Variants in MAGI2 observed in about 807,000 individuals in gnomAD.
MAGI2 encodes the protein membrane-associated guanylate kinase, WW and PDZ domain-containing protein 2.
In MAGI2, 35 loss-of-function variants were observed where a neutral mutation model predicts 133.3. The ratio of observed to expected loss-of-function variants is 0.26; its 90% CI spans 0.20 to 0.35. MAGI2 has a LOEUF of 0.35. Among genes scored for constraint, MAGI2 ranks in the 10% least tolerant of loss-of-function variants. The pLI, the probability that MAGI2 is intolerant of heterozygous loss-of-function variation, is 1.00. For missense variants in MAGI2, 1,636 were observed against 1,863.4 expected (o/e 0.88, Z 2.25); for synonymous variants, 729 against 710.6 (o/e 1.03, Z -0.41).
At chr7:78,774,642 C>T (rs1034137197) in intron 2 of MAGI2, among the ~76,000 whole-genome samples, 8 of 152,144 alleles carry the variant, frequency 5.3e-5, no homozygotes, top group African/African-American at 1.4e-4. Context: ...CAGTTATAGC[C>T]AGAGTGTCTC....
At chr7:78,817,543 A>T (rs1444673069) in intron 2 of MAGI2, among the ~76,000 whole-genome samples, 1 of 152,156 alleles carries the variant, frequency 6.6e-6, no homozygotes, top group South Asian at 2.1e-4. Flanking sequence ...CACCACTCTG[A>T]TCAGTTAGCA....
intron 1 of MAGI2, among the ~76,000 whole-genome samples, chr7:79,419,682 A>G (rs1846798228): frequency 6.6e-6 from 1 of 152,080 alleles, no homozygotes; most frequent in African/African-American, 2.4e-5. Context: ...ACTATGTATT[A>G]AAAGCCAACA....
chr7:78,026,614 C>A (rs1365653606), intron 21 of MAGI2, among the ~76,000 whole-genome samples: 1 of 151,732 alleles, frequency 6.6e-6, no homozygotes, highest in East Asian at 1.9e-4. Context: ...AAAACATAAA[C>A]AAGAAAACCC....
chr7:78,740,086 G>A (rs1187980215), intron 2 of MAGI2, among the ~76,000 whole-genome samples: 2 of 151,882 alleles, frequency 1.3e-5, no homozygotes, highest in East Asian at 1.9e-4. Flanking sequence ...GCGTGAACCC[G>A]GGAGGTGGAG....
At chr7:79,047,679 A>G (rs537402712) in intron 1 of MAGI2, among the ~76,000 whole-genome samples, 15 of 152,174 alleles carry the variant, frequency 9.9e-5, no homozygotes, top group Non-Finnish European at 2.2e-4. Context: ...AAGGTTTGAT[A>G]TATGCCATTT....
intron 2 of MAGI2, among the ~76,000 whole-genome samples, chr7:78,954,937 A>C (rs895606875): frequency 1.7e-4 from 26 of 152,184 alleles, no homozygotes; most frequent in Non-Finnish European, 5.9e-5. Context: ...TACACAGTAC[A>C]GTCTATTATA....
chr7:79,157,289 T>C (rs2129547408), intron 1 of MAGI2, among the ~76,000 whole-genome samples: 1 of 152,028 alleles, frequency 6.6e-6, no homozygotes, highest in South Asian at 2.1e-4. Context: ...GTCTGGGGGA[T>C]TGACACCTCA....
At chr7:78,319,282 C>G (rs999565851) in intron 9 of MAGI2, among the ~76,000 whole-genome samples, 4 of 151,996 alleles carry the variant, frequency 2.6e-5, no homozygotes, top group Non-Finnish European at 5.9e-5. Context: ...ATTTACCAAA[C>G]AAATGGAAAG....
intron 1 of MAGI2, among the ~76,000 whole-genome samples, chr7:79,315,686 G>C (rs1161422139): frequency 6.6e-6 from 1 of 152,116 alleles, no homozygotes; most frequent in African/African-American, 2.4e-5. Context: ...AATGTATTGA[G>C]GCTGGGGGAG....
At chr7:79,330,852 C>T (rs560557127) in intron 1 of MAGI2, among the ~76,000 whole-genome samples, 1 of 152,164 alleles carries the variant, frequency 6.6e-6, no homozygotes, top group African/African-American at 2.4e-5. Context: ...AAAACATAAT[C>T]TGAATTTAAA....
chr7:79,205,189 T>C (rs1456784003), intron 1 of MAGI2, among the ~76,000 whole-genome samples: 7 of 151,828 alleles, frequency 4.6e-5, no homozygotes, highest in Non-Finnish European at 1.0e-4. Flanking sequence ...ATAACCCAAT[T>C]GTCAAATATC....
Position 78,209,451 on chromosome 7 carries a change from G to A in MAGI2, c.2048-8258C>T, listed in dbSNP as rs557476666. ...TAAAATTTGTATTTTTAGTAGAGATGGGGGTTTCACCATGTTGGCCAGGAT... is the reference window on the plus strand; with the variant it reads ...TAAAATTTGTATTTTTAGTAGAGATAGGGGTTTCACCATGTTGGCCAGGAT... On this transcript the variant is annotated intron_variant, in intron 10 of 21. Coordinates refer to ENST00000354212, the MANE Select transcript of MAGI2 (RefSeq NM_012301.4). 4.1e-3 allele frequency among the ~76,000 whole-genome samples: 618 copies of A among 151,046 alleles called. 5 individuals are homozygous for A. Among genetic ancestry groups the A allele is most frequent in the African/African-American group, 0.014 (593 of 41,292 alleles).
At chr7:79,100,502 T>G (rs890189656) in intron 1 of MAGI2, among the ~76,000 whole-genome samples, 1 of 151,508 alleles carries the variant, frequency 6.6e-6, no homozygotes, top group African/African-American at 2.4e-5. Flanking sequence ...TAAATATAAT[T>G]TTCTTAGCCA....
intron 9 of MAGI2, among the ~76,000 whole-genome samples, chr7:78,312,920 C>CAT (rs774811360): frequency 5.0e-4 from 75 of 148,726 alleles, no homozygotes; most frequent in East Asian, 1.2e-3. Context: ...AAGATATCTG[C>CAT]ATATATATAT....
At chr7:78,088,995 C>A (rs1352877240) in intron 20 of MAGI2, among the ~76,000 whole-genome samples, 1 of 152,108 alleles carries the variant, frequency 6.6e-6, no homozygotes, top group Non-Finnish European at 1.5e-5. Context: ...AAGCTGCTGG[C>A]TTTGAAGATG....
At chr7:78,376,290 C>T (rs894874324) in intron 6 of MAGI2, among the ~76,000 whole-genome samples, 9 of 152,034 alleles carry the variant, frequency 5.9e-5, no homozygotes, top group Admixed American at 1.3e-4. Flanking sequence ...CTTTATGTTC[C>T]GCTCTCTTTC....
intron 1 of MAGI2, among the ~76,000 whole-genome samples, chr7:79,365,515 T>C (rs1842640419): frequency 1.3e-5 from 2 of 152,104 alleles, no homozygotes; most frequent in African/African-American, 2.4e-5. Flanking sequence ...AACTGACATA[T>C]ACAATGGGAT....
chr7:79,365,153 T>C (rs1257578996), intron 1 of MAGI2, among the ~76,000 whole-genome samples: 1 of 152,228 alleles, frequency 6.6e-6, no homozygotes, highest in Admixed American at 6.5e-5. Flanking sequence ...TATTATTAGC[T>C]ATCAGAGATA....
chr7:79,058,064 G>GA (rs1176927896), intron 1 of MAGI2, among the ~76,000 whole-genome samples: 2 of 151,244 alleles, frequency 1.3e-5, no homozygotes, highest in Admixed American at 6.6e-5. Context: ...ATACTTTTGA[G>GA]AAAAACAAAT....
Sources: gnomAD v4.1 joint callset for allele counts (sites outside exome capture counted in the v4.1 genomes callset) on GRCh38, gnomAD v4.1.1 for gene constraint, MANE v1.5 for transcripts, NCBI Gene and HGNC (gene_info 2026-07-23, HGNC 2026-07-21) for gene names.